TAPT1: variants seen among roughly 807,000 people sequenced by gnomAD.
The protein encoded by TAPT1 is transmembrane anterior posterior transformation protein 1 homolog.
Under a neutral mutation model 65.6 loss-of-function variants are expected in TAPT1, and 28 were observed. The observed-to-expected ratio is 0.43, with a 90% CI of 0.32 to 0.59. TAPT1 has a LOEUF of 0.59. Among genes scored for constraint, TAPT1 ranks in the 20% least tolerant of loss-of-function variants. The pLI, the probability that TAPT1 is intolerant of heterozygous loss-of-function variation, is 0.09. For missense variants in TAPT1, 563 were observed against 679.9 expected (o/e 0.83, Z 1.91); for synonymous variants, 278 against 245.2 (o/e 1.13, Z -1.25).
At chr4:16,203,535 G>A (rs1300455066) in intron 2 of TAPT1, among the ~76,000 whole-genome samples, 2 of 152,218 alleles carry the variant, frequency 1.3e-5, no homozygotes, top group Admixed American at 6.5e-5. Context: ...GGTAATTTAA[G>A]TTTAGGTCAT....
At chr4:16,186,933 T>C in intron 5 of TAPT1, 55 bp from the exon 6 acceptor site, 1 of 967,216 alleles carries the variant, frequency 1.0e-6, no homozygotes, top group South Asian at 1.5e-5. Context: ...TTACTGATAA[T>C]ACTATAAAAT....
chr4:16,184,415 G>A (rs181295746), intron 7 of TAPT1, among the ~76,000 whole-genome samples: 101 of 152,218 alleles, frequency 6.6e-4, no homozygotes, highest in African/African-American at 2.4e-3. Context: ...TTTTCCTACT[G>A]ATAGCTATTT....
chr4:16,214,785 C>T (rs142967326), intron 1 of TAPT1, among the ~76,000 whole-genome samples: 13 of 152,284 alleles, frequency 8.5e-5, no homozygotes, highest in African/African-American at 2.6e-4. Context: ...TCTTCCAGAA[C>T]GCAGGTTACC....
At chr4:16,206,763 T>G (rs1430288641) in intron 2 of TAPT1, among the ~76,000 whole-genome samples, 1 of 151,912 alleles carries the variant, frequency 6.6e-6, no homozygotes, top group African/African-American at 2.4e-5. Context: ...AAAGCTGAAA[T>G]GAGAGAAATA....
At chr4:16,225,943 C>G in intron 1 of TAPT1, 1 of 990,310 alleles carries the variant, frequency 1.0e-6, no homozygotes, top group Non-Finnish European at 1.2e-6. Flanking sequence ...GTGGGAGATG[C>G]CCGCTAACCT....
At position 16,199,596 on chromosome 4, in the gene TAPT1, A is replaced by AT. The variant is rs942641681; in HGVS notation, c.449+2865dup. Among the ~76,000 whole-genome samples, 524 of 147,848 alleles carry AT rather than the reference A, an allele frequency of 3.5e-3. 3 individuals carry two copies. Among genetic ancestry groups the AT allele is most frequent in the Middle Eastern group, 0.014 (4 of 282 alleles). On this transcript the variant is annotated intron_variant, in intron 3 of 13. Coordinates refer to ENST00000405303, the MANE Select transcript of TAPT1 (RefSeq NM_153365.3). ...AGTTTTTAGAACAAACACTTTAAGAATTTTTTTTTTTTAAAGAGACAGTCT... is the reference window on the plus strand; with the variant it reads ...AGTTTTTAGAACAAACACTTTAAGAATTTTTTTTTTTTTAAAGAGACAGTCT...
chr4:16,168,120 CT>C (rs113471433), intron 12 of TAPT1, among the ~76,000 whole-genome samples: 17 of 148,696 alleles, frequency 1.1e-4, no homozygotes, highest in Non-Finnish European at 8.9e-5. Context: ...AGTTGGTTTT[CT>C]TTTTTTTTTT....
intron 7 of TAPT1, among the ~76,000 whole-genome samples, chr4:16,186,317 A>G (rs1749016769): frequency 6.6e-6 from 1 of 152,234 alleles, no homozygotes; most frequent in South Asian, 2.1e-4. Context: ...TTCTCAAAGT[A>G]GCGTATGGTG....
chr4:16,197,302 C>A (rs980154640), intron 3 of TAPT1, among the ~76,000 whole-genome samples: 19 of 152,068 alleles, frequency 1.2e-4, no homozygotes, highest in Non-Finnish European at 2.6e-4. Flanking sequence ...TAGTAAAAAA[C>A]AAAAACCAAA....
intron 2 of TAPT1, among the ~76,000 whole-genome samples, chr4:16,213,245 C>T (rs914718923): frequency 1.3e-5 from 2 of 152,150 alleles, no homozygotes; most frequent in Non-Finnish European, 2.9e-5. Context: ...GAATAAGACA[C>T]GTGAAGATGT....
intron 7 of TAPT1, among the ~76,000 whole-genome samples, chr4:16,185,891 T>C (rs1362531279): frequency 1.3e-5 from 2 of 152,198 alleles, no homozygotes; most frequent in Non-Finnish European, 2.9e-5. Context: ...CATTTCTTCA[T>C]GACTTGTGCA....
At chr4:16,181,514 T>G (rs1196642694) in intron 7 of TAPT1, among the ~76,000 whole-genome samples, 1 of 152,244 alleles carries the variant, frequency 6.6e-6, no homozygotes, top group Non-Finnish European at 1.5e-5. Context: ...ATAATTTCAT[T>G]TCTAAGGATA....
intron 7 of TAPT1, among the ~76,000 whole-genome samples, chr4:16,181,392 T>C (rs574156674): frequency 1.3e-5 from 2 of 152,368 alleles, no homozygotes; most frequent in Admixed American, 1.3e-4. Context: ...CTATCTGAAA[T>C]GAGCCAAAGT....
chr4:16,199,446 C>G (rs1749905943), intron 3 of TAPT1, among the ~76,000 whole-genome samples: 2 of 152,100 alleles, frequency 1.3e-5, no homozygotes. Flanking sequence ...AGAAAGCAAT[C>G]ATCTTATGCA....
intron 1 of TAPT1, chr4:16,214,472 G>A (rs1425501286): frequency 6.6e-6 from 1 of 152,156 alleles, no homozygotes; most frequent in African/African-American, 2.4e-5. Flanking sequence ...ACCTCAACCG[G>A]ATCAGAAAAA....
intron 2 of TAPT1, among the ~76,000 whole-genome samples, chr4:16,203,673 C>T (rs1194955556): frequency 2.0e-5 from 3 of 152,084 alleles, no homozygotes; most frequent in East Asian, 3.9e-4. Context: ...CAAGAAGAGG[C>T]CTCAGAAGAA....
Position 16,202,594 on chromosome 4 carries a change from AG to A in TAPT1, c.331-15del, listed in dbSNP as rs1750100378. On this transcript the variant is annotated splice_polypyrimidine_tract_variant and intron_variant, in intron 2 of 13. Transcript: ENST00000405303. ...AAAAACCATCAGCTGAATTTTAACA[AG>A]GAGAGAAGAAAAAAAAAAAGTATTT... is the stretch of plus-strand genomic sequence containing the variant. 7.2e-7 allele frequency: 1 copy of A among 1,382,736 alleles called. No homozygotes were observed. Among genetic ancestry groups the A allele is most frequent in the South Asian group, 1.4e-5 (1 of 72,926 alleles). The allele number at this position is 1,382,736 out of a possible 1,614,324, so 85.7% of individuals were successfully genotyped here.
intron 2 of TAPT1, among the ~76,000 whole-genome samples, chr4:16,209,891 G>GT (rs1423647140): frequency 1.3e-5 from 2 of 152,214 alleles, no homozygotes; most frequent in Non-Finnish European, 1.5e-5. Flanking sequence ...GAGGTGGGAT[G>GT]TAAGTGTCCA....
chr4:16,185,777 C>T (rs769628421), intron 7 of TAPT1, among the ~76,000 whole-genome samples: 4 of 152,134 alleles, frequency 2.6e-5, no homozygotes, highest in Non-Finnish European at 4.4e-5. Context: ...GGACTGCAGG[C>T]CTCCCCATAA....
Sources: gnomAD v4.1 joint callset for allele counts (sites outside exome capture counted in the v4.1 genomes callset) on GRCh38, gnomAD v4.1.1 for gene constraint, MANE v1.5 for transcripts, NCBI Gene and HGNC (gene_info 2026-07-23, HGNC 2026-07-21) for gene names.